Variants in PNPLA7 observed in about 807,000 individuals in gnomAD.
PNPLA7 encodes the protein patatin-like phospholipase domain-containing protein 7.
A neutral mutation model predicts 161.7 loss-of-function variants in PNPLA7; 153 were observed. The ratio of observed to expected loss-of-function variants is 0.95; its 90% CI spans 0.83 to 1.08. PNPLA7 has a LOEUF of 1.08. Among genes scored for constraint, PNPLA7 ranks in the 50% least tolerant of loss-of-function variants. The pLI is 0.00. For synonymous variants in PNPLA7, 809 were observed against 782.1 expected, an observed-to-expected ratio of 1.03 and a Z score of -0.57; for missense variants, 1,739 against 1,856.6, an observed-to-expected ratio of 0.94 and a Z score of 1.16.
Position 137,500,892 on chromosome 9 carries a change from GC to G in PNPLA7, c.1555del (p.Ala519ProfsTer85). ...TVVSRQGDQD[A>X]SILFVVSGLL... The stretch of plus-strand genomic sequence containing the variant: ...CCCCGAGACCACGAACAGGATGCTG[GC>G]GTCCTGACACACGAGAGGGCTCAGG... On this transcript the variant is annotated frameshift_variant, in exon 16 of 35. Transcript: ENST00000406427. LOFTEE classifies it high-confidence loss of function. The surrounding 1 kb of genome is among the most constrained non-coding windows in gnomAD (Gnocchi z 5.5). 1 of 1,567,750 alleles carries G rather than the reference GC, an allele frequency of 6.4e-7. No homozygotes were observed. Among genetic ancestry groups the G allele is most frequent in the Non-Finnish European group, 8.6e-7 (1 of 1,160,618 alleles).
At chr9:137,527,261 C>T (rs968250859) in intron 8 of PNPLA7, among the ~76,000 whole-genome samples, 4 of 149,738 alleles carry the variant, frequency 2.7e-5, no homozygotes, top group African/African-American at 9.9e-5. Context: ...GAGCAAGACT[C>T]CGACTCACAA....
At position 137,537,668 on chromosome 9, in the gene PNPLA7, C is replaced by A. The variant is rs955314677; in HGVS notation, c.747+2974G>T. On this transcript the variant is annotated intron_variant, in intron 8 of 34. Coordinates refer to ENST00000406427, the MANE Select transcript of PNPLA7 (RefSeq NM_001098537.3). This position sits in a 1 kb window ranked among gnomAD's most constrained non-coding sequence, Gnocchi z 4.5. ...CACTCAGGGAAGATCCATTCCCACC[C>A]CTAAGGGAGAGGGGCTGTGACACCA... 1.3e-5 allele frequency among the ~76,000 whole-genome samples: 2 copies of A among 152,132 alleles called. No individual in the cohort carries two copies. The highest frequency in any genetic ancestry group is 4.8e-5 in the African/African-American group (2 of 41,414).
At chr9:137,491,953 C>G in intron 20 of PNPLA7, 1 of 985,446 alleles carries the variant, frequency 1.0e-6, no homozygotes, top group Non-Finnish European at 1.2e-6. Flanking sequence ...AGATGCAGGA[C>G]ACGCGGGAGC....
chr9:137,505,786 A>G (rs1356900146), intron 13 of PNPLA7, 26 bp from the exon 14 acceptor site: 3 of 1,611,976 alleles, frequency 1.9e-6, no homozygotes, highest in Non-Finnish European at 8.5e-7. Context: ...GATACCGGCA[A>G]TTCGAAGGGA....
At chr9:137,518,176 C>A (rs1834737381) in intron 11 of PNPLA7, among the ~76,000 whole-genome samples, 2 of 136,174 alleles carry the variant, frequency 1.5e-5, no homozygotes, top group African/African-American at 2.9e-5. Context: ...CCACTCTGTC[C>A]ACTCCATCCC....
intron 15 of PNPLA7, 142 bp downstream of exon 15, chr9:137,501,508 C>T (rs1435406691): frequency 1.0e-5 from 8 of 800,586 alleles, no homozygotes; most frequent in Middle Eastern, 3.7e-4. Context: ...GGGGCTCTGC[C>T]ATGGTGCCCA....
chr9:137,497,184 T>C lies in PNPLA7; in HGVS notation c.2013+3A>G, dbSNP rs1833104186. On this transcript the variant is annotated splice_donor_region_variant and intron_variant, in intron 18 of 34. Transcript: ENST00000406427. ...GGAGGCAGGAGCAGGGCCCAGCACC[T>C]ACCACGCCGACGAGGTCTCCTCGGC... The C allele has an allele frequency of 1.3e-6, 2 of 1,571,460 alleles. No homozygotes were observed. The highest frequency in any genetic ancestry group is 8.6e-7 in the Non-Finnish European group (1 of 1,160,326).
Position 137,521,701 on chromosome 9 carries a change from G to A in PNPLA7, c.892C>T (p.Leu298=), listed in dbSNP as rs756528764. The stretch of plus-strand genomic sequence containing the variant: ...AGAGCCAGAAAGGTCACCCTCTGCA[G>A]CCGCACCATGATGATCTGCAAGAAC... ...VRVVQIIMVR[L]QRVTFLALHN... Residue 298 remains leucine (L), a synonymous_variant, in exon 10 of 35, where the codon CTG becomes TTG. Transcript: ENST00000406427. 26 of 1,611,012 alleles carry A rather than the reference G, an allele frequency of 1.6e-5. No homozygotes were observed. The highest frequency in any genetic ancestry group is 1.7e-6 in the Non-Finnish European group (2 of 1,179,794).
At chr9:137,480,749 C>T in intron 22 of PNPLA7, 1 of 731,102 alleles carries the variant, frequency 1.4e-6, no homozygotes, top group African/African-American at 1.8e-5. Flanking sequence ...GAAGCGGGGG[C>T]TGGGGTCCCC....
chr9:137,514,036 G>C (rs929482031), intron 12 of PNPLA7, among the ~76,000 whole-genome samples: 11 of 152,068 alleles, frequency 7.2e-5, no homozygotes, highest in Non-Finnish European at 1.6e-4. Context: ...AAAATGCCCT[G>C]GGCCCTGTGG....
intron 1 of PNPLA7, among the ~76,000 whole-genome samples, chr9:137,548,832 G>A (rs529339187): frequency 6.6e-6 from 1 of 152,302 alleles, no homozygotes; most frequent in African/African-American, 2.4e-5. Context: ...GAATGAGGAC[G>A]TGCCCAGAAA....
chr9:137,491,376 A>G lies in PNPLA7; in HGVS notation c.2197+1637T>C, dbSNP rs1384131150. ...AACAGAATAATTACACTAAGTATCT[A>G]CAGTCTAAACACACAAAAGATAAAG... On this transcript the variant is annotated intron_variant, in intron 20 of 34. Transcript: ENST00000406427. 4.3e-6 allele frequency: 3 copies of G among 693,306 alleles called. No individual in the cohort carries two copies. The African/African-American group carries it at 5.9e-5, about 14-fold the overall frequency. 42.9% of individuals were successfully genotyped at this position (693,306 alleles called of 1,614,324 possible).
chr9:137,536,840 T>A (rs111767000), intron 8 of PNPLA7, among the ~76,000 whole-genome samples: 649 of 57,636 alleles, frequency 0.011, no homozygotes, highest in Middle Eastern at 0.032. Context: ...GGGGCCATCC[T>A]CCGAGCCACA....
At chr9:137,536,783 G>A (rs1350877692) in intron 8 of PNPLA7, among the ~76,000 whole-genome samples, 1 of 151,040 alleles carries the variant, frequency 6.6e-6, no homozygotes, top group African/African-American at 2.4e-5. Flanking sequence ...AGGAAGCATG[G>A]GGGCCATCCA....
chr9:137,473,246 G>A (rs1261833542), intron 25 of PNPLA7, among the ~76,000 whole-genome samples: 2 of 152,184 alleles, frequency 1.3e-5, no homozygotes, highest in South Asian at 2.1e-4. Flanking sequence ...GTGGGGACAT[G>A]GCCAAACCAT....
At position 137,490,124 on chromosome 9, in the gene PNPLA7, T is replaced by C. The variant is rs982063649; in HGVS notation, c.2197+2889A>G. ...GTGTGTGTGTTTTGAGGCAGGGTCT[T>C]GCTCTGTTGACCAGGCTGGACTGCG... On this transcript the variant is annotated intron_variant, in intron 20 of 34. Coordinates refer to ENST00000406427, the MANE Select transcript of PNPLA7 (RefSeq NM_001098537.3). The surrounding 1 kb of genome is among the most constrained non-coding windows in gnomAD (Gnocchi z 4.1). Among the ~76,000 whole-genome samples, 15 of 152,194 alleles carry C rather than the reference T, an allele frequency of 9.9e-5. No individual in the cohort carries two copies. Among genetic ancestry groups the C allele is most frequent in the Non-Finnish European group, 1.8e-4 (12 of 68,038 alleles).
At chr9:137,496,496 G>T (rs1274869741) in intron 18 of PNPLA7, among the ~76,000 whole-genome samples, 2 of 152,112 alleles carry the variant, frequency 1.3e-5, no homozygotes, top group East Asian at 3.9e-4. Flanking sequence ...TGAATCACCT[G>T]CGGTCGGGAG....
chr9:137,550,402 T>A lies in PNPLA7; in HGVS notation c.-205A>T. 2 of 630,846 alleles carry A rather than the reference T, an allele frequency of 3.2e-6. No individual in the cohort carries two copies. Among genetic ancestry groups the A allele is most frequent in the Non-Finnish European group, 5.7e-6 (2 of 353,824 alleles). 39.1% of individuals were successfully genotyped at this position (630,846 alleles called of 1,614,324 possible). ...TGTCTTTTGAGAAGTGTCTGTCATC[T>A]GCTAGGAGCCACCTCCTTCCCTCTG... is the stretch of plus-strand genomic sequence containing the variant. On this transcript the variant is annotated 5_prime_UTR_variant, in exon 1 of 35. Transcript: ENST00000406427.
chr9:137,501,213 G>C (rs887235341), intron 15 of PNPLA7, among the ~76,000 whole-genome samples: 1 of 152,194 alleles, frequency 6.6e-6, no homozygotes, highest in African/African-American at 2.4e-5. Flanking sequence ...TCCTGTGCAC[G>C]GGGGGTCCCA....
Sources: gnomAD v4.1 joint callset for allele counts (sites outside exome capture counted in the v4.1 genomes callset) on GRCh38, gnomAD v4.1.1 for gene constraint, Gnocchi (gnomAD v3.1) non-coding constraint, MANE v1.5 for transcripts, NCBI Gene and HGNC (gene_info 2026-07-23, HGNC 2026-07-21) for gene names.